Variants in SATB1 observed in about 807,000 individuals in gnomAD.
SATB1 encodes SATB homeobox 1, also known as DNA-binding protein SATB1.
SATB1 carries 11 observed loss-of-function variants against 86.9 expected under a neutral mutation model. That is an observed-to-expected ratio of 0.13 (90% CI 0.08 to 0.21). SATB1 has a LOEUF of 0.21. SATB1 is among the 10% of genes least tolerant of loss of function. SATB1 has a pLI of 1.00. For synonymous variants in SATB1, 357 were observed against 357.2 expected, an observed-to-expected ratio of 1.00 and a Z score of 0.01; for missense variants, 551 against 937.6, an observed-to-expected ratio of 0.59 and a Z score of 5.39.
At chr3:18,430,781 T>C (rs1392919785) in intron 2 of SATB1, among the ~76,000 whole-genome samples, 1 of 152,218 alleles carries the variant, frequency 6.6e-6, no homozygotes, top group East Asian at 1.9e-4. Flanking sequence ...GCTAGAATGA[T>C]AGCGATCAAA....
At chr3:18,445,186 C>T in intron 1 of SATB1, 8 of 976,138 alleles carry the variant, frequency 8.2e-6, no homozygotes, top group Non-Finnish European at 8.5e-6. Context: ...CAGGGCCCGG[C>T]CCGCCTCCCC....
At chr3:18,364,988 G>C (rs528563277) in intron 9 of SATB1, among the ~76,000 whole-genome samples, 3 of 152,202 alleles carry the variant, frequency 2.0e-5, no homozygotes, top group South Asian at 2.1e-4. Flanking sequence ...CGTTGTGTAT[G>C]TGTAGGGTTA....
At chr3:18,395,060 T>A (rs1478741873) in intron 6 of SATB1, 144 bp from the exon 7 acceptor site, 5 of 603,228 alleles carry the variant, frequency 8.3e-6, no homozygotes, top group Non-Finnish European at 1.4e-5. Flanking sequence ...AAGTTGCAAC[T>A]TACCAGGCTG....
chr3:18,376,589 G>C (rs9310554), intron 9 of SATB1, among the ~76,000 whole-genome samples: 20 of 147,636 alleles, frequency 1.4e-4, no homozygotes, highest in South Asian at 2.2e-4. Flanking sequence ...TGGGGGGGGG[G>C]AGTGAGACCA....
chr3:18,390,362 T>C (rs1359918039), intron 7 of SATB1, among the ~76,000 whole-genome samples: 1 of 152,152 alleles, frequency 6.6e-6, no homozygotes, highest in Admixed American at 6.5e-5. Context: ...CTCTGTTGTT[T>C]GGTGAATTTT....
At chr3:18,404,322 A>C (rs191387328) in intron 5 of SATB1, among the ~76,000 whole-genome samples, 36 of 152,146 alleles carry the variant, frequency 2.4e-4, no homozygotes, top group Admixed American at 2.2e-3. Context: ...CTTGGGAGAT[A>C]CAACTGGGGC....
At chr3:18,362,339 G>A (rs559059952) in intron 9 of SATB1, among the ~76,000 whole-genome samples, 3 of 152,118 alleles carry the variant, frequency 2.0e-5, no homozygotes, top group East Asian at 3.9e-4. Context: ...ACACCCTGAG[G>A]CTCACACTTC....
chr3:18,386,617 AG>A lies in SATB1; in HGVS notation c.1207-7del. The A allele has an allele frequency of 6.2e-7, 1 of 1,613,280 alleles. No individual in the cohort carries two copies. Among genetic ancestry groups the A allele is most frequent in the Non-Finnish European group, 8.5e-7 (1 of 1,179,346 alleles). ...AGGATTTCTGAAAGCAAGCCCTGCA[AG>A]AAATGAAAGGCACAGGGTGAGCCTG... On this transcript the variant is annotated splice_region_variant and splice_polypyrimidine_tract_variant and intron_variant, in intron 7 of 10. Coordinates refer to ENST00000338745, the MANE Select transcript of SATB1 (RefSeq NM_002971.6). This position sits in a 1 kb window ranked among gnomAD's most constrained non-coding sequence, Gnocchi z 4.5.
At chr3:18,420,703 T>C in intron 2 of SATB1, 54 bp downstream of exon 2, 3 of 1,423,870 alleles carry the variant, frequency 2.1e-6, no homozygotes, top group Non-Finnish European at 3.0e-6. Context: ...CAGTGTGGCC[T>C]TGTGTAGACA....
At chr3:18,378,019 G>C (rs1159558784) in intron 9 of SATB1, 151 bp downstream of exon 9, 3 of 671,776 alleles carry the variant, frequency 4.5e-6, no homozygotes, top group Non-Finnish European at 6.9e-6. Context: ...ACCTGAATTT[G>C]AATATTGTTT....
At chr3:18,417,746 AACCT>A (rs1329952469) in intron 2 of SATB1, 2 of 682,946 alleles carry the variant, frequency 2.9e-6, no homozygotes, top group Non-Finnish European at 5.3e-6. Context: ...ATACTCATTT[AACCT>A]ACCTAACTAA....
In SATB1 at chr3:18,345,950, GTTT is replaced by G. The variant is rs2125116588; in HGVS notation, c.*3217_*3219del. ...ACTCAATCTTGAATCATCTGAGAATGTTTTCTATTCAAGCCAGTATTTTTAGAT... is the reference window on the plus strand; with the variant it reads ...ACTCAATCTTGAATCATCTGAGAATGTCTATTCAAGCCAGTATTTTTAGAT... On this transcript the variant is annotated 3_prime_UTR_variant, in exon 11 of 11. Coordinates refer to ENST00000338745, the MANE Select transcript of SATB1 (RefSeq NM_002971.6). The G allele has an allele frequency of 6.6e-6, 1 of 152,120 alleles. No individual in the cohort carries two copies. The highest frequency in any genetic ancestry group is 2.4e-5 in the African/African-American group (1 of 41,534). The allele number at this position is 152,120 out of a possible 1,614,324, so 9.4% of individuals were successfully genotyped here.
At chr3:18,385,627 GAA>G (rs71839568) in intron 8 of SATB1, among the ~76,000 whole-genome samples, 1 of 144,734 alleles carries the variant, frequency 6.9e-6, no homozygotes, top group Non-Finnish European at 1.5e-5. Context: ...CATCTCAAAA[GAA>G]AAAAAAAAAA....
chr3:18,363,524 G>A (rs984225608), intron 9 of SATB1, among the ~76,000 whole-genome samples: 1 of 152,074 alleles, frequency 6.6e-6, no homozygotes, highest in African/African-American at 2.4e-5. Context: ...TTTTACATCT[G>A]GGGAAAGCAA....
At chr3:18,416,767 T>G in intron 3 of SATB1, 135 bp downstream of exon 3, 1 of 858,800 alleles carries the variant, frequency 1.2e-6, no homozygotes, top group Non-Finnish European at 1.7e-6. Context: ...AGCCAATTTT[T>G]TAAAGCCACA....
chr3:18,433,279 C>T (rs535270803), intron 2 of SATB1, among the ~76,000 whole-genome samples: 6 of 152,184 alleles, frequency 3.9e-5, no homozygotes, highest in Non-Finnish European at 5.9e-5. Flanking sequence ...TTGAGTGTCA[C>T]GCTCATATAT....
chr3:18,382,719 A>G (rs897550172), intron 8 of SATB1, among the ~76,000 whole-genome samples: 12 of 152,214 alleles, frequency 7.9e-5, no homozygotes, highest in Admixed American at 7.9e-4. Flanking sequence ...TAATTTGTCA[A>G]ACAAGTTATT....
At position 18,349,614 on chromosome 3, in the gene SATB1, C is replaced by T; in HGVS notation, c.1848G>A (p.Gln616=). Residue 616 remains glutamine (Q), a synonymous_variant, in exon 11 of 11, where the codon CAG becomes CAA. Transcript: ENST00000338745. This position sits in a 1 kb window ranked among gnomAD's most constrained non-coding sequence, Gnocchi z 5.5. ...GGAGCCGAGGGCCTGTCTGTGGCTGCTGCTGTGGCTGTGGAGGCGGCGGTG... is the reference window on the plus strand; with the variant it reads ...GGAGCCGAGGGCCTGTCTGTGGCTGTTGCTGTGGCTGTGGAGGCGGCGGTG... ...QQAPPPPQPQ[Q]QPQTGPRLPP... 1 of 1,613,396 alleles carries T rather than the reference C, an allele frequency of 6.2e-7. No individual in the cohort carries two copies. The highest frequency in any genetic ancestry group is 1.1e-5 in the South Asian group (1 of 91,044).
chr3:18,443,529 C>T (rs1699295227), upstream of SATB1, among the ~76,000 whole-genome samples: 1 of 152,220 alleles, frequency 6.6e-6, no homozygotes, highest in Non-Finnish European at 1.5e-5. The surrounding 1 kb of genome is among the most constrained non-coding windows in gnomAD (Gnocchi z 4.4). Context: ...AAATTTGCAA[C>T]ACCTCAGTGG....
Sources: gnomAD v4.1 joint callset for allele counts (sites outside exome capture counted in the v4.1 genomes callset) on GRCh38, gnomAD v4.1.1 for gene constraint, Gnocchi (gnomAD v3.1) non-coding constraint, MANE v1.5 for transcripts, NCBI Gene and HGNC (gene_info 2026-07-23, HGNC 2026-07-21) for gene names.